The following KATNBL1 variants were observed in gnomAD, a reference collection of about 807,000 sequenced individuals.
KATNBL1 encodes katanin regulatory subunit B1 like 1, also known as KATNB1-like protein 1.
In KATNBL1, 28 loss-of-function variants were observed where a neutral mutation model predicts 44.7. The ratio of observed to expected loss-of-function variants is 0.63; its 90% CI spans 0.46 to 0.86. The LOEUF (loss-of-function observed/expected upper bound fraction) is 0.86. KATNBL1 is among the 40% of genes least tolerant of loss of function. The pLI is 0.00. For missense variants in KATNBL1, 272 were observed against 350.7 expected (o/e 0.78, Z 1.79); for synonymous variants, 78 against 114.9 (o/e 0.68, Z 2.06).
At chr15:34,187,647 C>T (rs1452446634) in intron 1 of KATNBL1, among the ~76,000 whole-genome samples, 2 of 152,284 alleles carry the variant, frequency 1.3e-5, no homozygotes, top group African/African-American at 2.4e-5. Context: ...CTATACTTGG[C>T]CTGATTACCC....
chr15:34,153,122 A>G (rs912082712), intron 3 of KATNBL1, 53 bp from the exon 4 acceptor site: 18 of 1,328,020 alleles, frequency 1.4e-5, no homozygotes, highest in East Asian at 9.3e-5. Flanking sequence ...GAAATCCTTT[A>G]AAAGTTTTTA....
intron 1 of KATNBL1, among the ~76,000 whole-genome samples, chr15:34,208,186 G>A (rs1890343330): frequency 6.6e-6 from 1 of 152,068 alleles, no homozygotes; most frequent in Admixed American, 6.6e-5. Flanking sequence ...AGATTCTGGT[G>A]CACCCATTAC....
intron 4 of KATNBL1, 25 bp from the exon 5 acceptor site, chr15:34,148,775 T>C: frequency 7.6e-7 from 1 of 1,307,374 alleles, no homozygotes; most frequent in Non-Finnish European, 1.1e-6. Context: ...TCTGATTTGT[T>C]AAAAAGCACA....
intron 9 of KATNBL1, 131 bp from the exon 10 acceptor site, chr15:34,142,502 CTTGTTCAGTGCTTTTATCTGCAT>C (rs1888179256): frequency 2.1e-6 from 2 of 935,234 alleles, no homozygotes; most frequent in Non-Finnish European, 3.1e-6. Context: ...AAAGACGTGC[CTTGTTCAGTGCTTTTATCTGCAT>C]TTGTTCAGCA....
At chr15:34,192,494 C>A (rs1417793939) in intron 1 of KATNBL1, among the ~76,000 whole-genome samples, 1 of 151,858 alleles carries the variant, frequency 6.6e-6, no homozygotes, top group African/African-American at 2.4e-5. Context: ...TCATGGGAGA[C>A]ATACATATTT....
intron 1 of KATNBL1, among the ~76,000 whole-genome samples, chr15:34,180,955 A>T (rs1889499892): frequency 6.6e-6 from 1 of 152,104 alleles, no homozygotes. Context: ...TATTTCACAG[A>T]TCCATTCAGA....
At chr15:34,154,927 T>G (rs924459143) in intron 2 of KATNBL1, 26 of 491,744 alleles carry the variant, frequency 5.3e-5, no homozygotes, top group Non-Finnish European at 7.4e-5. Context: ...CCGCACAGTC[T>G]AAACTAATTC....
intron 5 of KATNBL1, among the ~76,000 whole-genome samples, chr15:34,147,655 C>T (rs899482640): frequency 6.6e-6 from 1 of 151,878 alleles, no homozygotes; most frequent in African/African-American, 2.4e-5. Context: ...AGGCAATAAA[C>T]AAATAACAAG....
intron 2 of KATNBL1, chr15:34,154,931 C>T (rs1888594372): frequency 2.1e-6 from 1 of 478,844 alleles, no homozygotes; most frequent in Admixed American, 3.6e-5. Flanking sequence ...ACAGTCTAAA[C>T]TAATTCTGAT....
intron 1 of KATNBL1, among the ~76,000 whole-genome samples, chr15:34,205,963 A>C (rs976863620): frequency 6.6e-6 from 1 of 152,214 alleles, no homozygotes; most frequent in African/African-American, 2.4e-5. Flanking sequence ...ACTAAGATGT[A>C]AAAGACTATC....
At chr15:34,196,159 TG>T (rs1367272845) in intron 1 of KATNBL1, among the ~76,000 whole-genome samples, 1 of 152,228 alleles carries the variant, frequency 6.6e-6, no homozygotes, top group Non-Finnish European at 1.5e-5. Context: ...GGCTCACACC[TG>T]TAATCCCAGC....
At chr15:34,154,946 T>C (rs1011790348) in intron 2 of KATNBL1, 1 of 436,218 alleles carries the variant, frequency 2.3e-6, no homozygotes, top group African/African-American at 2.0e-5. Flanking sequence ...TCTGATAGGC[T>C]ATCTGGGTAT....
intron 1 of KATNBL1, among the ~76,000 whole-genome samples, chr15:34,164,895 C>T (rs1299715516): frequency 6.6e-6 from 1 of 152,008 alleles, no homozygotes; most frequent in East Asian, 1.9e-4. Context: ...CAGTGGAGCC[C>T]AAAGCAATTA....
chr15:34,159,782 TC>T (rs1196454090), intron 2 of KATNBL1, among the ~76,000 whole-genome samples: 1 of 152,186 alleles, frequency 6.6e-6, no homozygotes, highest in Non-Finnish European at 1.5e-5. Context: ...AATAGATTTG[TC>T]CCTGCATCCG....
chr15:34,188,315 G>C (rs1889781152), intron 1 of KATNBL1, among the ~76,000 whole-genome samples: 1 of 151,864 alleles, frequency 6.6e-6, no homozygotes, highest in Admixed American at 6.6e-5. Context: ...CAGCACTTTG[G>C]GAGGTTGAGG....
At chr15:34,193,941 T>C (rs1889962863) in intron 1 of KATNBL1, among the ~76,000 whole-genome samples, 2 of 151,612 alleles carry the variant, frequency 1.3e-5, no homozygotes, top group Non-Finnish European at 2.9e-5. Flanking sequence ...AGTTTTTCTT[T>C]GTCGTTTTTT....
chr15:34,194,312 G>T (rs1161214908), intron 1 of KATNBL1, among the ~76,000 whole-genome samples: 3 of 151,062 alleles, frequency 2.0e-5, no homozygotes, highest in Non-Finnish European at 3.0e-5. Context: ...ATTTTTTTTT[G>T]AAAATATGAT....
intron 1 of KATNBL1, among the ~76,000 whole-genome samples, chr15:34,202,529 C>G (rs902436350): frequency 1.3e-5 from 2 of 152,112 alleles, no homozygotes; most frequent in African/African-American, 2.4e-5. Context: ...TGGGCACCAC[C>G]ATATCTCCTA....
chr15:34,158,115 G>A (rs1243285277), intron 2 of KATNBL1, among the ~76,000 whole-genome samples: 2 of 152,088 alleles, frequency 1.3e-5, no homozygotes, highest in East Asian at 3.9e-4. Flanking sequence ...TTTTCTGAGG[G>A]TCTGCTTATT....
Sources: allele counts gnomAD v4.1 joint callset (sites outside exome capture counted in the v4.1 genomes callset), GRCh38; gene constraint gnomAD v4.1.1; transcripts MANE v1.5; gene names NCBI Gene and HGNC (gene_info 2026-07-23, HGNC 2026-07-21).